Variants in MECOM observed in about 807,000 individuals in gnomAD.
The protein encoded by MECOM is MDS1 and EVI1 complex locus.
A neutral mutation model predicts 116.3 loss-of-function variants in MECOM; 13 were observed. That is an observed-to-expected ratio of 0.11 (90% CI 0.07 to 0.18). MECOM has a LOEUF of 0.18. Among genes scored for constraint, MECOM ranks in the 10% least tolerant of loss-of-function variants. MECOM has a pLI of 1.00. For synonymous variants in MECOM, 528 were observed against 535.2 expected (o/e 0.99, Z 0.19); for missense variants, 1,299 against 1,509.0 (o/e 0.86, Z 2.31).
chr3:169,470,760 G>T (rs924254125), intron 1 of MECOM, among the ~76,000 whole-genome samples: 1 of 152,040 alleles, frequency 6.6e-6, no homozygotes, highest in East Asian at 1.9e-4. Context: ...GGAATCTGGT[G>T]TATCTATCAT....
At chr3:169,427,666 T>A (rs1740950837) in intron 1 of MECOM, among the ~76,000 whole-genome samples, 1 of 152,216 alleles carries the variant, frequency 6.6e-6, no homozygotes, top group African/African-American at 2.4e-5. Flanking sequence ...GAAGATGGAA[T>A]CACGAGGGAG....
At chr3:169,396,444 T>G (rs1271449102) in intron 1 of MECOM, among the ~76,000 whole-genome samples, 1 of 152,218 alleles carries the variant, frequency 6.6e-6, no homozygotes, top group African/African-American at 2.4e-5. Flanking sequence ...TTTCAAACAC[T>G]TGATACAACA....
At position 169,252,609 on chromosome 3, in the gene MECOM, G is replaced by A. The variant is rs926085820; in HGVS notation, c.376-108777C>T. On this transcript the variant is annotated intron_variant, in intron 2 of 16. Coordinates refer to ENST00000651503, the MANE Select transcript of MECOM (RefSeq NM_004991.4). Reference sequence around the variant, plus strand: ...AATTAAAAATGCAATCAAGTCTTAGGCTAATTGTTTCATTAGTAAAAGTCT... The same window carrying A: ...AATTAAAAATGCAATCAAGTCTTAGACTAATTGTTTCATTAGTAAAAGTCT... Among the ~76,000 whole-genome samples, 30 of 151,880 alleles carry A rather than the reference G, an allele frequency of 2.0e-4. 1 individual carries two copies. The highest frequency in any genetic ancestry group is 7.0e-4 in the African/African-American group (29 of 41,448).
intron 2 of MECOM, among the ~76,000 whole-genome samples, chr3:169,181,101 T>C (rs1426917501): frequency 6.6e-6 from 1 of 152,046 alleles, no homozygotes; most frequent in Non-Finnish European, 1.5e-5. Flanking sequence ...CTATTATTAA[T>C]CACACTTTAT....
At chr3:169,402,275 A>T (rs1736027027) in intron 1 of MECOM, among the ~76,000 whole-genome samples, 1 of 152,170 alleles carries the variant, frequency 6.6e-6, no homozygotes, top group South Asian at 2.1e-4. Flanking sequence ...AGATAGAGAG[A>T]AGATTGGAAT....
chr3:169,309,222 T>G (rs888517250), intron 2 of MECOM, among the ~76,000 whole-genome samples: 1 of 152,194 alleles, frequency 6.6e-6, no homozygotes, highest in African/African-American at 2.4e-5. Flanking sequence ...CAGCAGTACA[T>G]TCTTTTGACA....
chr3:169,221,960 G>T (rs796692291), intron 2 of MECOM, among the ~76,000 whole-genome samples: 35 of 151,816 alleles, frequency 2.3e-4, no homozygotes, highest in African/African-American at 7.7e-4. Context: ...TTTTGTTGTT[G>T]TTTTCTGATA....
In MECOM at chr3:169,257,962, C is replaced by T. The variant is rs979857917; in HGVS notation, c.376-114130G>A. Among the ~76,000 whole-genome samples the T allele has an allele frequency of 1.1e-4, 17 of 152,244 alleles. No homozygotes were observed. The East Asian group carries it at 2.5e-3, about 23-fold the overall frequency. On this transcript the variant is annotated intron_variant, in intron 2 of 16. Transcript: ENST00000651503. ...GTAGCCGGGCATGGCGGCGCATGCC[C>T]GCAATATCAGCACTTTGGGAGGCCA...
chr3:169,598,222 A>G (rs1767370106), intron 1 of MECOM, among the ~76,000 whole-genome samples: 1 of 152,236 alleles, frequency 6.6e-6, no homozygotes. Context: ...TAAGTGTTTA[A>G]AGGTATCCAA....
intron 1 of MECOM, among the ~76,000 whole-genome samples, chr3:169,382,012 T>C (rs1464929890): frequency 2.0e-5 from 3 of 152,200 alleles, no homozygotes; most frequent in Admixed American, 1.3e-4. Flanking sequence ...TAAATGTGTG[T>C]GGCAGGATTA....
chr3:169,641,337 T>G (rs961922450), intron 1 of MECOM, among the ~76,000 whole-genome samples: 3 of 152,146 alleles, frequency 2.0e-5, no homozygotes, highest in Admixed American at 1.3e-4. Flanking sequence ...TGTTCTCTAT[T>G]TGCATAGCCA....
At chr3:169,258,694 T>A (rs754809860) in intron 2 of MECOM, among the ~76,000 whole-genome samples, 2 of 152,210 alleles carry the variant, frequency 1.3e-5, no homozygotes, top group Non-Finnish European at 2.9e-5. Flanking sequence ...GATACACTCA[T>A]CCCAAATTTC....
At chr3:169,416,363 T>C (rs1578032813) in intron 1 of MECOM, among the ~76,000 whole-genome samples, 1 of 152,150 alleles carries the variant, frequency 6.6e-6, no homozygotes, top group Non-Finnish European at 1.5e-5. Flanking sequence ...ATGCCTAGGA[T>C]ACAGCTAAAG....
intron 4 of MECOM, among the ~76,000 whole-genome samples, chr3:169,129,303 T>C (rs191393147): frequency 1.7e-4 from 26 of 151,752 alleles, no homozygotes; most frequent in Non-Finnish European, 2.9e-4. Flanking sequence ...GAGTGGAAAA[T>C]GAAGCTGGAG....
intron 1 of MECOM, among the ~76,000 whole-genome samples, chr3:169,462,500 C>A (rs1255731559): frequency 1.3e-5 from 2 of 152,158 alleles, no homozygotes; most frequent in Non-Finnish European, 2.9e-5. Flanking sequence ...TTAGTGTATA[C>A]TACATTCCTG....
At chr3:169,545,346 T>A (rs1366546360) in intron 1 of MECOM, among the ~76,000 whole-genome samples, 2 of 152,056 alleles carry the variant, frequency 1.3e-5, no homozygotes, top group African/African-American at 4.8e-5. Context: ...ACTGTAGTAG[T>A]CTCTCCTCAA....
chr3:169,602,646 G>GA (rs904772909), intron 1 of MECOM, among the ~76,000 whole-genome samples: 53 of 152,244 alleles, frequency 3.5e-4, no homozygotes, highest in Non-Finnish European at 1.5e-5. Context: ...ACCCCAGGGA[G>GA]AAAAATCATC....
At chr3:169,189,697 G>A (rs1747256346) in intron 2 of MECOM, among the ~76,000 whole-genome samples, 1 of 151,998 alleles carries the variant, frequency 6.6e-6, no homozygotes, top group Non-Finnish European at 1.5e-5. Flanking sequence ...CATGCCTTAA[G>A]AGTATGTACA....
intron 13 of MECOM, among the ~76,000 whole-genome samples, chr3:169,093,956 C>T (rs182675825): frequency 6.6e-6 from 1 of 152,284 alleles, no homozygotes; most frequent in East Asian, 1.9e-4. Context: ...TTAACTTTGA[C>T]ATGTTACATG....
Sources: allele counts gnomAD v4.1 joint callset (sites outside exome capture counted in the v4.1 genomes callset), GRCh38; gene constraint gnomAD v4.1.1; transcripts MANE v1.5; gene names NCBI Gene and HGNC (gene_info 2026-07-23, HGNC 2026-07-21).